ZNF469: variants seen among roughly 807,000 people sequenced by gnomAD.
The protein encoded by ZNF469 is zinc finger protein 469.
Under a neutral mutation model 1.0 loss-of-function variants are expected in ZNF469, and 1 was observed. The ratio of observed to expected loss-of-function variants is 1.00; its 90% confidence interval spans 0.35 to 4.73. The LOEUF is 4.73. ZNF469 is among the 30% of genes most tolerant of loss of function. ZNF469 has a pLI of 0.16. For missense variants in ZNF469, 6,100 were observed against 5,356.3 expected, an observed-to-expected ratio of 1.14 and a Z score of -4.33; for synonymous variants, 2,703 against 2,363.4, an observed-to-expected ratio of 1.14 and a Z score of -4.17.
At chr16:88,282,444 G>A in the ZNF469 span, among the ~76,000 whole-genome samples, 4 of 152,254 alleles carry the variant, frequency 2.6e-5, no homozygotes, top group South Asian at 2.1e-4. Context: ...AATCATGCCC[G>A]CAGTGCCTGT....
intron 1 of ZNF469, among the ~76,000 whole-genome samples, chr16:88,383,832 C>G (rs1336702716): frequency 6.6e-6 from 1 of 152,150 alleles, no homozygotes; most frequent in African/African-American, 2.4e-5. Context: ...GGAGACCACG[C>G]CGCACCCCCG....
chr16:88,373,044 C>A, the ZNF469 span, among the ~76,000 whole-genome samples: 1 of 152,370 alleles, frequency 6.6e-6, no homozygotes, highest in Non-Finnish European at 1.5e-5. Context: ...TTCATCCCTT[C>A]CTAACGCTGA....
chr16:88,351,018 C>CA, the ZNF469 span, among the ~76,000 whole-genome samples: 3 of 152,212 alleles, frequency 2.0e-5, no homozygotes, highest in Non-Finnish European at 4.4e-5. Context: ...GTTGCAGCAG[C>CA]AAGGCGACCT....
At chr16:88,188,614 G>A in the ZNF469 span, among the ~76,000 whole-genome samples, 3 of 152,228 alleles carry the variant, frequency 2.0e-5, no homozygotes, top group Admixed American at 2.0e-4. Flanking sequence ...CAGGGATTCT[G>A]AGGCAGGAGG....
the ZNF469 span, among the ~76,000 whole-genome samples, chr16:88,260,215 C>A: frequency 6.6e-6 from 1 of 151,982 alleles, no homozygotes; most frequent in Non-Finnish European, 1.5e-5. The surrounding 1 kb of genome is among the most constrained non-coding windows in gnomAD (Gnocchi z 4.1). Flanking sequence ...TCTCACACTC[C>A]TGACCTCAAA....
the ZNF469 span, among the ~76,000 whole-genome samples, chr16:88,159,883 G>A: frequency 4.3e-4 from 66 of 152,282 alleles, 1 homozygote; most frequent in South Asian, 7.5e-3. Flanking sequence ...ACTGTGAGGC[G>A]TCAGCACAGG....
chr16:88,238,903 G>C, the ZNF469 span, among the ~76,000 whole-genome samples: 1 of 152,218 alleles, frequency 6.6e-6, no homozygotes, highest in Admixed American at 6.5e-5. Context: ...GCCTTGTGGA[G>C]ATCCGGCCTC....
In ZNF469 at chr16:88,431,151, G is replaced by T. The variant is rs1335899747; in HGVS notation, c.3681G>T (p.Glu1227Asp). The T allele has an allele frequency of 1.3e-6, 2 of 1,550,284 alleles. No individual in the cohort carries two copies. Among genetic ancestry groups the T allele is most frequent in the South Asian group, 2.4e-5 (2 of 84,066 alleles). The change falls in exon 3 of 3, where the codon GAG (glutamate) becomes GAT (aspartate). Residue 1227 changes from glutamate to aspartate, a missense_variant. Transcript: ENST00000565624. ...TGGACTTTCCCCAGGAGGCCAAGGA[G>T]CCTGAAACTGCCGAAGAGTCAGCCC... The part of the protein sequence containing the change: ...PSLDFPQEAK[E>D]PETAEESAPD...
chr16:88,307,903 C>G, the ZNF469 span, among the ~76,000 whole-genome samples: 1 of 152,196 alleles, frequency 6.6e-6, no homozygotes, highest in South Asian at 2.1e-4. Flanking sequence ...TGTGAGAAAT[C>G]ATAGCCTAAC....
chr16:88,245,000 A>G, the ZNF469 span, among the ~76,000 whole-genome samples: 11 of 152,134 alleles, frequency 7.2e-5, no homozygotes, highest in African/African-American at 2.4e-4. Context: ...CCATCGGAAG[A>G]CTAGGCCTTG....
the ZNF469 span, among the ~76,000 whole-genome samples, chr16:88,256,520 T>C: frequency 6.6e-6 from 1 of 152,246 alleles, no homozygotes. Context: ...AACGTCTGTG[T>C]GTAGGTTTTT....
At position 88,387,486 on chromosome 16, in the gene ZNF469, C is replaced by T. The variant is rs756938909; in HGVS notation, c.-192+4232C>T. On this transcript the variant is annotated intron_variant, in intron 1 of 2. Transcript: ENST00000565624. ...CTTGGCTGCTTGCGGTTGCTGGTCC[C>T]GAGTCCGGAGGACCAGAAAGTGAGA... Among the ~76,000 whole-genome samples, 6 of 152,276 alleles carry T rather than the reference C, an allele frequency of 3.9e-5. No individual in the cohort carries two copies. In the East Asian group the frequency reaches 9.7e-4, roughly 25 times the overall value.
the ZNF469 span, among the ~76,000 whole-genome samples, chr16:88,114,647 G>A: frequency 6.6e-6 from 1 of 152,222 alleles, no homozygotes; most frequent in Non-Finnish European, 1.5e-5. Flanking sequence ...TGCAAGTGTT[G>A]CCCTGGGCGT....
the ZNF469 span, among the ~76,000 whole-genome samples, chr16:88,157,556 C>T: frequency 4.6e-5 from 7 of 152,110 alleles, no homozygotes; most frequent in Admixed American, 6.5e-5. Flanking sequence ...CCACCCTCCG[C>T]CACCCCCTCC....
chr16:88,318,982 G>A, the ZNF469 span, among the ~76,000 whole-genome samples: 1 of 152,224 alleles, frequency 6.6e-6, no homozygotes, highest in African/African-American at 2.4e-5. Flanking sequence ...CTCATTACCT[G>A]GGGGTCAGGA....
At chr16:88,371,515 A>G in the ZNF469 span, among the ~76,000 whole-genome samples, 1 of 152,324 alleles carries the variant, frequency 6.6e-6, no homozygotes, top group South Asian at 2.1e-4. Context: ...AGGGAAGTGA[A>G]GGGGTTTGCC....
chr16:88,402,435 G>A (rs1283080089), intron 1 of ZNF469, among the ~76,000 whole-genome samples: 1 of 152,180 alleles, frequency 6.6e-6, no homozygotes, highest in Non-Finnish European at 1.5e-5. Context: ...AGTGCAGTGG[G>A]AGGGAGGATG....
chr16:88,171,712 C>T, the ZNF469 span, among the ~76,000 whole-genome samples: 3 of 152,136 alleles, frequency 2.0e-5, no homozygotes, highest in African/African-American at 7.2e-5. Context: ...CGCTGCGTTA[C>T]CCTGGGGAGA....
the ZNF469 span, among the ~76,000 whole-genome samples, chr16:88,206,704 G>C: frequency 1.1e-4 from 17 of 151,398 alleles, no homozygotes; most frequent in Admixed American, 9.2e-4. Context: ...TGGCTTTGGA[G>C]GGAACAGACC....
Sources: allele counts gnomAD v4.1 joint callset (sites outside exome capture counted in the v4.1 genomes callset), GRCh38; gene constraint gnomAD v4.1.1; non-coding constraint Gnocchi (gnomAD v3.1); transcripts MANE v1.5; gene names NCBI Gene and HGNC (gene_info 2026-07-23, HGNC 2026-07-21).